The following LARGE1 variants were observed in gnomAD, a reference collection of about 807,000 sequenced individuals.
LARGE1 encodes the protein xylosyl- and glucuronyltransferase LARGE1.
Under a neutral mutation model 87.6 loss-of-function variants are expected in LARGE1, and 43 were observed. The ratio of observed to expected loss-of-function variants is 0.49; its 90% confidence interval spans 0.38 to 0.63. LARGE1 has a LOEUF of 0.63. Ranked by LOEUF, LARGE1 falls within the 30% of genes least tolerant of loss-of-function variation. The pLI, the probability that LARGE1 is intolerant of heterozygous loss-of-function variation, is 0.00. For missense variants in LARGE1, 802 were observed against 1,000.2 expected, an observed-to-expected ratio of 0.80 and a Z score of 2.67; for synonymous variants, 434 against 394.6, an observed-to-expected ratio of 1.10 and a Z score of -1.18.
At chr22:33,789,889 G>C (rs1036661755) in intron 1 of LARGE1, among the ~76,000 whole-genome samples, 10 of 152,168 alleles carry the variant, frequency 6.6e-5, no homozygotes, top group African/African-American at 2.4e-4. Context: ...GACTAGCCTT[G>C]TCTCAGATGA....
chr22:33,356,863 G>A (rs1399699221), intron 9 of LARGE1, among the ~76,000 whole-genome samples: 1 of 152,158 alleles, frequency 6.6e-6, no homozygotes, highest in East Asian at 1.9e-4. Context: ...CTTTTTATGT[G>A]TCTGCCCACT....
intron 6 of LARGE1, among the ~76,000 whole-genome samples, chr22:33,521,604 T>C (rs1449903919): frequency 6.6e-6 from 1 of 152,204 alleles, no homozygotes; most frequent in Non-Finnish European, 1.5e-5. Context: ...TGGACATAGA[T>C]GCCTCCTCTT....
Position 33,387,443 on chromosome 22 carries a change from A to G in LARGE1, c.893-3139T>C, listed in dbSNP as rs866641757. On this transcript the variant is annotated intron_variant, in intron 7 of 14. Coordinates refer to ENST00000397394, the MANE Select transcript of LARGE1 (RefSeq NM_133642.5). ...CTCTGTCTCAAAAAAAAAAAAAAAAAAAAGAAAGAAAGAATTTCATTAATC... is the reference window on the plus strand; with the variant it reads ...CTCTGTCTCAAAAAAAAAAAAAAAAGAAAGAAAGAAAGAATTTCATTAATC... Among the ~76,000 whole-genome samples the G allele has an allele frequency of 2.9e-3, 442 of 150,022 alleles. 2 individuals are homozygous for G. The highest frequency in any genetic ancestry group is 0.011 in the Middle Eastern group (3 of 282).
intron 4 of LARGE1, among the ~76,000 whole-genome samples, chr22:33,610,090 T>C (rs578063619): frequency 5.3e-4 from 80 of 152,278 alleles, no homozygotes; most frequent in Non-Finnish European, 1.0e-3. Flanking sequence ...TTTTTCTTTA[T>C]AAATTATCCA....
At chr22:33,577,429 T>G (rs762880) in intron 5 of LARGE1, among the ~76,000 whole-genome samples, 1 of 152,058 alleles carries the variant, frequency 6.6e-6, no homozygotes, top group Middle Eastern at 3.2e-3. Flanking sequence ...CCAACAGTTC[T>G]TTCTTGCCTT....
At chr22:33,575,825 A>G (rs1231599237) in intron 5 of LARGE1, among the ~76,000 whole-genome samples, 2 of 152,192 alleles carry the variant, frequency 1.3e-5, no homozygotes, top group East Asian at 1.9e-4. Flanking sequence ...CCCTCCTCCT[A>G]TCGGTGGCAC....
intron 6 of LARGE1, among the ~76,000 whole-genome samples, chr22:33,439,399 C>T (rs1456462693): frequency 6.6e-6 from 1 of 152,052 alleles, no homozygotes; most frequent in Non-Finnish European, 1.5e-5. Context: ...ACCCCTCACC[C>T]CATCCCTGCT....
chr22:33,251,343 T>G (rs1927002620), intron 11 of LARGE1, among the ~76,000 whole-genome samples: 1 of 152,200 alleles, frequency 6.6e-6, no homozygotes, highest in Non-Finnish European at 1.5e-5. Flanking sequence ...ACACCTGTAC[T>G]TAACTATTTT....
chr22:33,634,466 G>C (rs1273829044), intron 3 of LARGE1, among the ~76,000 whole-genome samples: 1 of 152,156 alleles, frequency 6.6e-6, no homozygotes, highest in Non-Finnish European at 1.5e-5. Context: ...TTTTGAGAGA[G>C]TACGAGGGCG....
At chr22:33,844,041 T>C (rs1484553100) in intron 1 of LARGE1, among the ~76,000 whole-genome samples, 1 of 144,734 alleles carries the variant, frequency 6.9e-6, no homozygotes, top group Non-Finnish European at 1.5e-5. Context: ...ATGGTGCCAC[T>C]GCACTCCAGC....
At chr22:33,460,499 T>C (rs538044491) in intron 6 of LARGE1, among the ~76,000 whole-genome samples, 6 of 152,292 alleles carry the variant, frequency 3.9e-5, no homozygotes, top group African/African-American at 7.2e-5. Flanking sequence ...AAATAATGCA[T>C]GTATATATGC....
chr22:33,636,968 G>A (rs373372559), intron 3 of LARGE1, among the ~76,000 whole-genome samples: 37 of 152,274 alleles, frequency 2.4e-4, no homozygotes, highest in Non-Finnish European at 3.5e-4. Context: ...TAAGCTGAAC[G>A]TTCTATATCT....
chr22:33,774,543 G>T (rs560884531), intron 1 of LARGE1, among the ~76,000 whole-genome samples: 54 of 148,152 alleles, frequency 3.6e-4, no homozygotes, highest in Non-Finnish European at 6.8e-4. Flanking sequence ...TTTTAGTAGA[G>T]ATGGGGGTTT....
intron 11 of LARGE1, among the ~76,000 whole-genome samples, chr22:33,238,673 A>G (rs1051926658): frequency 2.0e-5 from 3 of 152,228 alleles, no homozygotes; most frequent in African/African-American, 7.2e-5. Context: ...ATCAATAACA[A>G]GAATATAAAG....
rs79304412 is a variant in LARGE1 at position 33,490,442 on chromosome 22, T to A, written c.788-58177A>T. Among the ~76,000 whole-genome samples, 457 of 152,360 alleles carry A rather than the reference T, an allele frequency of 3.0e-3. 4 individuals carry two copies. Among genetic ancestry groups the A allele is most frequent in the South Asian group, 0.021 (101 of 4,824 alleles). ...AATGAAATAGTGCATGTAAAGTGTT[T>A]AGCCCAGTGCCAAGAACATGAAAAC... On this transcript the variant is annotated intron_variant, in intron 6 of 14. Transcript: ENST00000397394.
chr22:33,783,522 G>A (rs1469676295), intron 1 of LARGE1, among the ~76,000 whole-genome samples: 1 of 152,140 alleles, frequency 6.6e-6, no homozygotes, highest in Non-Finnish European at 1.5e-5. Flanking sequence ...CTGAGATCAT[G>A]CCATTTCACT....
At chr22:33,349,497 C>T (rs184241118) in intron 9 of LARGE1, among the ~76,000 whole-genome samples, 43 of 152,260 alleles carry the variant, frequency 2.8e-4, no homozygotes, top group Middle Eastern at 3.4e-3. Flanking sequence ...TCCAACATCC[C>T]GGACTGCTGG....
intron 12 of LARGE1, among the ~76,000 whole-genome samples, chr22:33,300,847 G>C (rs1934051054): frequency 6.6e-6 from 1 of 152,044 alleles, no homozygotes; most frequent in Admixed American, 6.5e-5. Context: ...GCCAATTTTT[G>C]AAATTTTTTG....
Position 33,862,533 on chromosome 22 carries a change from C to G in LARGE1, c.-83+57462G>C, listed in dbSNP as rs576174152. ...GCTCCTTCCTAACTGTATCATAAAC[C>G]CACTCTGAGTGGGTGTACCTGACAC... On this transcript the variant is annotated intron_variant, in intron 1 of 14. Transcript: ENST00000397394. Among the ~76,000 whole-genome samples the G allele has an allele frequency of 3.0e-4, 46 of 152,268 alleles. 1 individual carries two copies. In the South Asian group the frequency reaches 7.1e-3, roughly 23 times the overall value.
Sources: allele counts gnomAD v4.1 joint callset (sites outside exome capture counted in the v4.1 genomes callset), GRCh38; gene constraint gnomAD v4.1.1; transcripts MANE v1.5; gene names NCBI Gene and HGNC (gene_info 2026-07-23, HGNC 2026-07-21).